CALN1: variants seen among roughly 807,000 people sequenced by gnomAD.
The protein encoded by CALN1 is calneuron 1.
A neutral mutation model predicts 30.6 loss-of-function variants in CALN1; 17 were observed. The observed-to-expected ratio is 0.56, with a 90% CI of 0.38 to 0.83. CALN1 has a LOEUF of 0.83. Among genes scored for constraint, CALN1 ranks in the 40% least tolerant of loss-of-function variants. The probability of loss-of-function intolerance (pLI) is 0.00; values close to 1 mark genes in which losing one functional copy is unlikely to be tolerated. For synonymous variants in CALN1, 156 were observed against 131.4 expected, an observed-to-expected ratio of 1.19 and a Z score of -1.28; for missense variants, 291 against 354.9, an observed-to-expected ratio of 0.82 and a Z score of 1.45.
intron 3 of CALN1, among the ~76,000 whole-genome samples, chr7:72,224,972 C>T (rs980411803): frequency 2.0e-5 from 3 of 151,792 alleles, no homozygotes; most frequent in African/African-American, 4.8e-5. Context: ...GTGGCGGGCA[C>T]CTGTAGTCCC....
At chr7:72,401,329 G>C (rs1271023318) in intron 2 of CALN1, among the ~76,000 whole-genome samples, 1 of 152,076 alleles carries the variant, frequency 6.6e-6, no homozygotes, top group African/African-American at 2.4e-5. Flanking sequence ...ACTCCCTGGA[G>C]CCAAGACCTT....
intron 2 of CALN1, among the ~76,000 whole-genome samples, chr7:72,344,683 ATAAT>A (rs1413614139): frequency 3.8e-4 from 56 of 146,868 alleles, no homozygotes; most frequent in Middle Eastern, 3.6e-3. Context: ...ATTTATGTAT[ATAAT>A]TATTTACATT....
At chr7:72,043,098 C>A (rs541948215) in intron 4 of CALN1, among the ~76,000 whole-genome samples, 8 of 152,292 alleles carry the variant, frequency 5.3e-5, no homozygotes, top group Admixed American at 2.6e-4. Context: ...GCTGGTGACA[C>A]AAGGTAGGGT....
At chr7:72,004,291 CCCTTT>C in intron 5 of CALN1, among the ~76,000 whole-genome samples, 1 of 152,180 alleles carries the variant, frequency 6.6e-6, no homozygotes, top group East Asian at 1.9e-4. Flanking sequence ...GAAAGGACAG[CCCTTT>C]CAACAAATGA....
Position 72,344,611 on chromosome 7 carries a change from T to G in CALN1, c.119+58640A>C. On this transcript the variant is annotated intron_variant, in intron 2 of 6. Transcript: ENST00000395275. The stretch of plus-strand genomic sequence containing the variant: ...TATATGTAAATATATATTTATGTAT[T>G]TTATGTATATATAAATTTAAATATA... Among the ~76,000 whole-genome samples, 2 of 145,348 alleles carry G rather than the reference T, an allele frequency of 1.4e-5. 1 individual carries two copies. Among genetic ancestry groups the G allele is most frequent in the Middle Eastern group, 7.2e-3 (2 of 278 alleles).
At chr7:72,009,659 G>GGA (rs912445015) in intron 5 of CALN1, among the ~76,000 whole-genome samples, 59 of 152,290 alleles carry the variant, frequency 3.9e-4, no homozygotes, top group African/African-American at 1.4e-3. Context: ...CATCCCTGGG[G>GGA]GAGATCATTG....
At chr7:72,207,174 T>C (rs1791948902) in intron 3 of CALN1, among the ~76,000 whole-genome samples, 4 of 152,310 alleles carry the variant, frequency 2.6e-5, no homozygotes, top group Non-Finnish European at 4.4e-5. Context: ...TCTTTCTACA[T>C]TTACGCATCC....
At chr7:72,345,978 T>C (rs370303054) in intron 2 of CALN1, among the ~76,000 whole-genome samples, 7 of 151,700 alleles carry the variant, frequency 4.6e-5, no homozygotes, top group East Asian at 1.9e-4. Context: ...CAGCAGACAA[T>C]AGGAAAATCA....
intron 5 of CALN1, among the ~76,000 whole-genome samples, chr7:72,004,603 C>A (rs1799678448): frequency 6.6e-6 from 1 of 152,094 alleles, no homozygotes; most frequent in Non-Finnish European, 1.5e-5. Flanking sequence ...AGATAAACTA[C>A]ACACTTGCAG....
chr7:72,473,467 C>T, the CALN1 span, among the ~76,000 whole-genome samples: 1 of 152,078 alleles, frequency 6.6e-6, no homozygotes, highest in African/African-American at 2.4e-5. Flanking sequence ...CCCTCTTCAA[C>T]GAGATTTTTG....
At chr7:72,355,507 C>T (rs949346596) in intron 2 of CALN1, among the ~76,000 whole-genome samples, 12 of 152,252 alleles carry the variant, frequency 7.9e-5, no homozygotes, top group African/African-American at 2.9e-4. Context: ...GCCTGGGCAA[C>T]AGAGTGAGAC....
At chr7:72,213,596 G>A (rs1792565981) in intron 3 of CALN1, among the ~76,000 whole-genome samples, 3 of 151,910 alleles carry the variant, frequency 2.0e-5, no homozygotes, top group Admixed American at 1.3e-4. Context: ...AGCTGTTGGG[G>A]GAAAAAAAGA....
chr7:72,304,415 G>C (rs186003996), intron 2 of CALN1, among the ~76,000 whole-genome samples: 3 of 152,102 alleles, frequency 2.0e-5, no homozygotes, highest in African/African-American at 2.4e-5. Flanking sequence ...GGCCAGGAAG[G>C]GGGGATTGCC....
At chr7:72,501,984 TATATATATAAATATATATACACAC>T in the CALN1 span, among the ~76,000 whole-genome samples, 367 of 110,220 alleles carry the variant, frequency 3.3e-3, 31 homozygotes, top group African/African-American at 0.01. Context: ...TATACACACA[TATATATATAAATATATATACACAC>T]ATATATATAT....
chr7:71,968,715 T>C (rs1401712425), intron 5 of CALN1, among the ~76,000 whole-genome samples: 1 of 151,764 alleles, frequency 6.6e-6, no homozygotes, highest in Non-Finnish European at 1.5e-5. Flanking sequence ...ATCTTTAATG[T>C]AGTGCTAGTT....
intron 6 of CALN1, among the ~76,000 whole-genome samples, chr7:71,805,410 G>A (rs929296885): frequency 3.9e-5 from 6 of 152,130 alleles, no homozygotes; most frequent in African/African-American, 1.2e-4. Context: ...GTGGGGTTGC[G>A]AGGAGGATTC....
chr7:72,167,635 G>A lies in CALN1; in HGVS notation c.245-61341C>T, dbSNP rs548723957. The stretch of plus-strand genomic sequence containing the variant: ...GCTGGGATTACAGGCATAAGCCACC[G>A]TGCGCAGCTACATTCTACTTTTCAC... On this transcript the variant is annotated intron_variant, in intron 3 of 6. Transcript: ENST00000395275. Among the ~76,000 whole-genome samples, 8 of 152,284 alleles carry A rather than the reference G, an allele frequency of 5.3e-5. No homozygotes were observed. The East Asian group carries it at 1.4e-3, about 26-fold the overall frequency.
chr7:71,788,939 T>G (rs1793152598), intron 6 of CALN1, among the ~76,000 whole-genome samples: 1 of 151,878 alleles, frequency 6.6e-6, no homozygotes, highest in African/African-American at 2.4e-5. Flanking sequence ...ATTACAGGCG[T>G]GAGCCACTGC....
At chr7:72,256,675 T>A (rs942000105) in intron 3 of CALN1, among the ~76,000 whole-genome samples, 1 of 151,980 alleles carries the variant, frequency 6.6e-6, no homozygotes, top group Non-Finnish European at 1.5e-5. Context: ...GGCACCATCA[T>A]AGCTCACTGC....
Sources: gnomAD v4.1 joint callset for allele counts (sites outside exome capture counted in the v4.1 genomes callset) on GRCh38, gnomAD v4.1.1 for gene constraint, MANE v1.5 for transcripts, NCBI Gene and HGNC (gene_info 2026-07-23, HGNC 2026-07-21) for gene names.